The following USH2A variants were observed in gnomAD, a reference collection of about 807,000 sequenced individuals.
The protein encoded by USH2A is usherin, also known as Usher syndrome 2A (autosomal recessive, mild).
Under a neutral mutation model 538.9 loss-of-function variants are expected in USH2A, and 443 were observed. The ratio of observed to expected loss-of-function variants is 0.82; its 90% CI spans 0.76 to 0.89. The LOEUF (loss-of-function observed/expected upper bound fraction) is 0.89, where lower values mean the gene tolerates loss of function less well. USH2A is among the 40% of genes least tolerant of loss of function. The pLI, the probability that USH2A is intolerant of heterozygous loss-of-function variation, is 0.00. For synonymous variants in USH2A, 2,413 were observed against 2,273.5 expected (o/e 1.06, Z -1.75); for missense variants, 6,633 against 6,324.8 (o/e 1.05, Z -1.65).
chr1:216,150,915 C>A (rs2033819101), intron 21 of USH2A, among the ~76,000 whole-genome samples: 1 of 151,996 alleles, frequency 6.6e-6, no homozygotes, highest in Non-Finnish European at 1.5e-5. Flanking sequence ...CCTTCCAGCT[C>A]CATATTACAG....
In USH2A at chr1:215,727,543, A is replaced by T. The variant is rs769036467; in HGVS notation, c.12066+487T>A. 9.3e-4 allele frequency among the ~76,000 whole-genome samples: 142 copies of T among 152,110 alleles called. 1 individual carries two copies. The highest frequency in any genetic ancestry group is 3.3e-3 in the Admixed American group (51 of 15,266). ...GGAGTTCGAGACTAGCCTGGCCAAC[A>T]TGGTGAAAACCCCTCTCTATTAAAA... On this transcript the variant is annotated intron_variant, in intron 61 of 71. Transcript: ENST00000307340.
intron 69 of USH2A, among the ~76,000 whole-genome samples, chr1:215,635,571 T>A (rs369955593): frequency 3.8e-5 from 2 of 52,760 alleles, no homozygotes; most frequent in East Asian, 3.4e-4. Context: ...TTATTTATTT[T>A]TTGAGATGGA....
At chr1:216,313,006 C>T (rs554890547) in intron 9 of USH2A, among the ~76,000 whole-genome samples, 11 of 152,218 alleles carry the variant, frequency 7.2e-5, no homozygotes, top group African/African-American at 2.4e-4. Context: ...ATATTTTTGG[C>T]ACCAGGGATC....
intron 61 of USH2A, among the ~76,000 whole-genome samples, chr1:215,682,089 C>T (rs752958158): frequency 9.2e-5 from 14 of 152,164 alleles, no homozygotes; most frequent in South Asian, 2.1e-4. Context: ...CTACAAGTCC[C>T]GATTACAAAC....
At chr1:216,212,683 T>TTGTGTGTGTG (rs10654206) in intron 15 of USH2A, among the ~76,000 whole-genome samples, 1 of 147,462 alleles carries the variant, frequency 6.8e-6, no homozygotes, top group African/African-American at 2.5e-5. Flanking sequence ...GTGTGTGTGT[T>TTGTGTGTGTG]TGTGTGTGTG....
At chr1:215,925,541 G>C (rs930682615) in intron 38 of USH2A, among the ~76,000 whole-genome samples, 3 of 152,076 alleles carry the variant, frequency 2.0e-5, no homozygotes, top group Non-Finnish European at 4.4e-5. Context: ...CTGTTTATGT[G>C]GTAGAATGTT....
At chr1:216,369,621 A>G (rs568706682) in intron 3 of USH2A, among the ~76,000 whole-genome samples, 1 of 152,284 alleles carries the variant, frequency 6.6e-6, no homozygotes, top group East Asian at 1.9e-4. Flanking sequence ...TATATTAAAA[A>G]GCTAGTATGG....
intron 37 of USH2A, among the ~76,000 whole-genome samples, chr1:215,946,219 C>T (rs1214939541): frequency 6.6e-6 from 1 of 151,512 alleles, no homozygotes; most frequent in Non-Finnish European, 1.5e-5. Context: ...GTTTATTGTG[C>T]TTATTTACAT....
chr1:215,976,004 C>T, intron 35 of USH2A, among the ~76,000 whole-genome samples: 1 of 152,092 alleles, frequency 6.6e-6, no homozygotes, highest in Non-Finnish European at 1.5e-5. Flanking sequence ...CCAGTGTTTT[C>T]TAGTTCTCCT....
At chr1:215,959,610 C>T (rs1262349009) in intron 37 of USH2A, among the ~76,000 whole-genome samples, 1 of 152,066 alleles carries the variant, frequency 6.6e-6, no homozygotes, top group African/African-American at 2.4e-5. Flanking sequence ...TTCTAAAATG[C>T]CATTTCCCTT....
intron 32 of USH2A, among the ~76,000 whole-genome samples, chr1:216,031,449 A>G (rs2102511894): frequency 6.6e-6 from 1 of 152,280 alleles, no homozygotes; most frequent in South Asian, 2.1e-4. Flanking sequence ...ATACAATACA[A>G]TAGAGCTGTT....
intron 27 of USH2A, among the ~76,000 whole-genome samples, chr1:216,074,717 T>C (rs2031690370): frequency 6.6e-6 from 1 of 152,184 alleles, no homozygotes; most frequent in Non-Finnish European, 1.5e-5. Context: ...ATTCAGAAGC[T>C]AAGAATTTTA....
chr1:216,162,967 C>T lies in USH2A; in HGVS notation c.4627+12285G>A, dbSNP rs565483194. 4.6e-5 allele frequency among the ~76,000 whole-genome samples: 7 copies of T among 152,152 alleles called. No homozygotes were observed. In the East Asian group the frequency reaches 1.4e-3, roughly 29 times the overall value. ...AATCTTCTCTCTGGGAACCTACCCT[C>T]CAAATCTACTTTTGTAGCCCTGAAT... is the stretch of plus-strand genomic sequence containing the variant. On this transcript the variant is annotated intron_variant, in intron 21 of 71. Transcript: ENST00000307340.
At chr1:215,719,395 C>A (rs1659589219) in intron 61 of USH2A, among the ~76,000 whole-genome samples, 1 of 145,702 alleles carries the variant, frequency 6.9e-6, no homozygotes, top group African/African-American at 2.5e-5. Flanking sequence ...CATGTTCTTG[C>A]TTCAGGCAGT....
At chr1:215,652,054 AT>A (rs1401151801) in intron 64 of USH2A, among the ~76,000 whole-genome samples, 1 of 152,258 alleles carries the variant, frequency 6.6e-6, no homozygotes, top group African/African-American at 2.4e-5. Flanking sequence ...ACATCCTCTC[AT>A]CATTTGCATA....
intron 9 of USH2A, among the ~76,000 whole-genome samples, chr1:216,298,127 G>C (rs1447324509): frequency 6.6e-6 from 1 of 152,124 alleles, no homozygotes. Context: ...TGAAGAATTT[G>C]TTTACTCTAT....
rs534491123 is a variant in USH2A, at chr1:215,797,711, G to T, written c.9958+1196C>A. Among the ~76,000 whole-genome samples, 5 of 152,122 alleles carry T rather than the reference G, an allele frequency of 3.3e-5. No homozygotes were observed. The East Asian group carries it at 7.7e-4, about 23-fold the overall frequency. On this transcript the variant is annotated intron_variant, in intron 50 of 71. Transcript: ENST00000307340. ...ATTGAGACCTACTGCTCAGAAAAAA[G>T]ATATTTCTTTTAAAATATTAATACT...
chr1:216,180,098 A>G (rs2034464387), intron 20 of USH2A, among the ~76,000 whole-genome samples: 3 of 152,136 alleles, frequency 2.0e-5, no homozygotes, highest in Admixed American at 2.0e-4. Context: ...AAGTTTCTAT[A>G]CAAATATAAG....
chr1:216,409,117 G>C (rs186433009), intron 3 of USH2A, among the ~76,000 whole-genome samples: 1 of 152,164 alleles, frequency 6.6e-6, no homozygotes, highest in African/African-American at 2.4e-5. Context: ...AGAAGCAGGT[G>C]AAACAATCGC....
Sources: gnomAD v4.1 joint callset for allele counts (sites outside exome capture counted in the v4.1 genomes callset) on GRCh38, gnomAD v4.1.1 for gene constraint, MANE v1.5 for transcripts, NCBI Gene and HGNC (gene_info 2026-07-23, HGNC 2026-07-21) for gene names.